DLC1: variants seen among roughly 807,000 people sequenced by gnomAD.
The protein encoded by DLC1 is rho GTPase-activating protein 7.
A neutral mutation model predicts 140.3 loss-of-function variants in DLC1; 54 were observed. The ratio of observed to expected loss-of-function variants is 0.38; its 90% CI spans 0.31 to 0.48. DLC1 has a LOEUF of 0.48. DLC1 is among the 20% of genes least tolerant of loss of function. The pLI is 0.96. For synonymous variants in DLC1, 986 were observed against 728.1 expected, an observed-to-expected ratio of 1.35 and a Z score of -5.70; for missense variants, 2,536 against 1,907.0, an observed-to-expected ratio of 1.33 and a Z score of -6.14.
At chr8:13,223,455 C>CTAA (rs1828652984) in intron 5 of DLC1, among the ~76,000 whole-genome samples, 2 of 152,146 alleles carry the variant, frequency 1.3e-5, no homozygotes, top group Non-Finnish European at 2.9e-5. Flanking sequence ...CTTTCCCTTG[C>CTAA]TCTTACTCTG....
At chr8:13,308,583 G>A (rs1397984370) in intron 4 of DLC1, among the ~76,000 whole-genome samples, 6 of 151,992 alleles carry the variant, frequency 3.9e-5, no homozygotes, top group Admixed American at 6.6e-5. Flanking sequence ...TAGTTAAAGC[G>A]GATTGTTAAT....
chr8:13,083,450 C>G lies in DLC1; in HGVS notation c.*2361G>C, dbSNP rs1488952819. The G allele has an allele frequency of 6.6e-6, 1 of 152,128 alleles. No homozygotes were observed. Among genetic ancestry groups the G allele is most frequent in the African/African-American group, 2.4e-5 (1 of 41,432 alleles). The allele number at this position is 152,128 out of a possible 1,614,324, so 9.4% of individuals were successfully genotyped here. A position where few individuals can be genotyped will look rare whatever the true frequency, so the allele number is the denominator to read the frequency against. ...GGGGATTATAAAGATGTGTAAGAGA[C>G]AAGCCCTGCCCTCAAAGAGCTTACA... is the stretch of plus-strand genomic sequence containing the variant. On this transcript the variant is annotated 3_prime_UTR_variant, in exon 18 of 18. Transcript: ENST00000276297.
intron 5 of DLC1, among the ~76,000 whole-genome samples, chr8:13,136,582 A>G (rs1822572773): frequency 6.6e-6 from 1 of 152,182 alleles, no homozygotes; most frequent in South Asian, 2.1e-4. Context: ...ATCTCAGATC[A>G]CTGCAGCCGA....
At chr8:13,244,699 C>T (rs765138695) in intron 5 of DLC1, among the ~76,000 whole-genome samples, 7 of 152,142 alleles carry the variant, frequency 4.6e-5, no homozygotes, top group African/African-American at 7.2e-5. Flanking sequence ...CTCTTCCCTA[C>T]GTTTCTTCAT....
upstream of DLC1, among the ~76,000 whole-genome samples, chr8:13,519,634 T>A (rs1802704434): frequency 6.6e-6 from 1 of 152,218 alleles, no homozygotes; most frequent in African/African-American, 2.4e-5. Context: ...TGGTCTTAAA[T>A]TATCAAAAGT....
At chr8:13,190,378 A>G (rs1826676925) in intron 5 of DLC1, among the ~76,000 whole-genome samples, 1 of 151,980 alleles carries the variant, frequency 6.6e-6, no homozygotes, top group South Asian at 2.1e-4. Context: ...CACTGTCACC[A>G]CCCATGGCTG....
intron 2 of DLC1, among the ~76,000 whole-genome samples, chr8:13,459,896 C>T (rs1409169141): frequency 6.6e-6 from 1 of 152,112 alleles, no homozygotes; most frequent in Non-Finnish European, 1.5e-5. Flanking sequence ...AGGAGGGTGG[C>T]CTGGTGACAC....
At chr8:13,567,442 C>T (rs1490363047) in intron 1 of DLC1, 1 of 1,552,064 alleles carries the variant, frequency 6.4e-7, no homozygotes, top group African/African-American at 1.4e-5. Flanking sequence ...TAAAAAGCTG[C>T]ATCTTGGATT....
intron 1 of DLC1, chr8:13,568,083 T>A: frequency 9.9e-7 from 1 of 1,013,468 alleles, no homozygotes; most frequent in Non-Finnish European, 1.4e-6. Flanking sequence ...TTTTTTTTCC[T>A]ATTATAGAAG....
At chr8:13,414,373 G>A (rs1201995985) in intron 2 of DLC1, among the ~76,000 whole-genome samples, 1 of 152,172 alleles carries the variant, frequency 6.6e-6, no homozygotes, top group African/African-American at 2.4e-5. Context: ...CTAATGCACA[G>A]CTAATTTTGT....
intron 5 of DLC1, among the ~76,000 whole-genome samples, chr8:13,257,873 C>G (rs1293545642): frequency 6.6e-6 from 1 of 152,182 alleles, no homozygotes; most frequent in Non-Finnish European, 1.5e-5. Flanking sequence ...TAGTCAGGAG[C>G]AAGCTTTGTA....
rs566573576 is a variant in DLC1 at position 13,396,187 on chromosome 8, G to T, written c.1174-2494C>A. 4.0e-5 allele frequency among the ~76,000 whole-genome samples: 6 copies of T among 151,492 alleles called. No homozygotes were observed. In the South Asian group the frequency reaches 1.0e-3, roughly 26 times the overall value. ...CCATTCTCCTGCCTCGGCCTCCCGA[G>T]TAGCTGGGATTACAGGCGCCCACCA... On this transcript the variant is annotated intron_variant, in intron 3 of 17. Transcript: ENST00000276297.
At chr8:13,442,152 T>C (rs1363702838) in intron 2 of DLC1, among the ~76,000 whole-genome samples, 1 of 152,222 alleles carries the variant, frequency 6.6e-6, no homozygotes, top group African/African-American at 2.4e-5. Flanking sequence ...GCTAGCCTTA[T>C]GTAGAAAGCT....
At chr8:13,226,747 C>T (rs1159197626) in intron 5 of DLC1, among the ~76,000 whole-genome samples, 1 of 152,166 alleles carries the variant, frequency 6.6e-6, no homozygotes, top group Non-Finnish European at 1.5e-5. Flanking sequence ...TTAGAGGCTA[C>T]CCTGACTTGC....
At chr8:13,259,184 A>G (rs1830383603) in intron 5 of DLC1, among the ~76,000 whole-genome samples, 1 of 151,762 alleles carries the variant, frequency 6.6e-6, no homozygotes, top group Admixed American at 6.6e-5. Flanking sequence ...ATTAAAAATT[A>G]CAATTATGAA....
intron 5 of DLC1, among the ~76,000 whole-genome samples, chr8:13,215,077 A>T (rs995299499): frequency 8.5e-5 from 13 of 152,208 alleles, no homozygotes; most frequent in Admixed American, 2.0e-4. Flanking sequence ...TTCTAAGCAA[A>T]GGATTATAAC....
chr8:13,171,523 T>C (rs965642149), intron 5 of DLC1, among the ~76,000 whole-genome samples: 2 of 152,144 alleles, frequency 1.3e-5, no homozygotes, highest in African/African-American at 2.4e-5. Context: ...CATGAGTAGC[T>C]GGGACTACAG....
intron 5 of DLC1, among the ~76,000 whole-genome samples, chr8:13,233,085 A>T (rs981392766): frequency 6.6e-5 from 10 of 152,114 alleles, no homozygotes; most frequent in Non-Finnish European, 8.8e-5. Context: ...ACTTGAGGCC[A>T]GTAGTTTGAG....
intron 2 of DLC1, among the ~76,000 whole-genome samples, chr8:13,484,740 A>C (rs972567533): frequency 5.9e-5 from 9 of 152,014 alleles, no homozygotes; most frequent in Non-Finnish European, 1.0e-4. Context: ...AACAGTAGGC[A>C]AGGTAAATAT....
Sources: allele counts gnomAD v4.1 joint callset (sites outside exome capture counted in the v4.1 genomes callset), GRCh38; gene constraint gnomAD v4.1.1; transcripts MANE v1.5; gene names NCBI Gene and HGNC (gene_info 2026-07-23, HGNC 2026-07-21).